The following AGTPBP1 variants were observed in gnomAD, a reference collection of about 807,000 sequenced individuals.
AGTPBP1 encodes cytosolic carboxypeptidase 1.
AGTPBP1 carries 70 observed loss-of-function variants against 143.9 expected under a neutral mutation model. The observed-to-expected ratio is 0.49, with a 90% CI of 0.40 to 0.59. AGTPBP1 has a LOEUF of 0.59. AGTPBP1 is among the 20% of genes least tolerant of loss of function. The pLI is 0.00. For missense variants in AGTPBP1, 1,229 were observed against 1,464.5 expected (o/e 0.84, Z 2.62); for synonymous variants, 463 against 500.2 (o/e 0.93, Z 0.99).
At chr9:85,718,993 A>G (rs1240501230) in intron 1 of AGTPBP1, among the ~76,000 whole-genome samples, 1 of 150,954 alleles carries the variant, frequency 6.6e-6, no homozygotes, top group African/African-American at 2.5e-5. Context: ...GTATGGTGTT[A>G]TATCTGAGGC....
At chr9:85,616,273 A>G (rs897824933) in intron 17 of AGTPBP1, among the ~76,000 whole-genome samples, 6 of 151,964 alleles carry the variant, frequency 3.9e-5, no homozygotes, top group Admixed American at 3.9e-4. Context: ...AGAAGGGGGA[A>G]GAAGGAGAGG....
chr9:85,628,958 A>T (rs1330788531), intron 14 of AGTPBP1, among the ~76,000 whole-genome samples: 17 of 151,868 alleles, frequency 1.1e-4, no homozygotes, highest in Admixed American at 1.1e-3. Flanking sequence ...CTCGTGATCC[A>T]CCCACCTCGG....
chr9:85,648,639 C>T (rs1832962672), intron 11 of AGTPBP1, among the ~76,000 whole-genome samples: 1 of 152,106 alleles, frequency 6.6e-6, no homozygotes, highest in Admixed American at 6.6e-5. Context: ...AGTGAAACCC[C>T]GTCTCTACTA....
intron 1 of AGTPBP1, among the ~76,000 whole-genome samples, chr9:85,736,239 G>A (rs1823759497): frequency 1.3e-5 from 2 of 152,136 alleles, no homozygotes; most frequent in African/African-American, 4.8e-5. Flanking sequence ...AAACCATTAA[G>A]AAACTTTCTG....
chr9:85,628,136 T>A (rs1366558329), intron 14 of AGTPBP1, among the ~76,000 whole-genome samples: 1 of 152,204 alleles, frequency 6.6e-6, no homozygotes, highest in Admixed American at 6.5e-5. Flanking sequence ...AAATACTTTA[T>A]TTTTTGTAGT....
intron 25 of AGTPBP1, 107 bp from the exon 26 acceptor site, chr9:85,547,393 C>A: frequency 1.1e-6 from 1 of 933,780 alleles, no homozygotes; most frequent in Non-Finnish European, 1.5e-6. Flanking sequence ...ATAATATAAG[C>A]TGCATTAACT....
At chr9:85,784,388 C>G in the AGTPBP1 span, among the ~76,000 whole-genome samples, 1 of 152,118 alleles carries the variant, frequency 6.6e-6, no homozygotes, top group African/African-American at 2.4e-5. Context: ...TACTCCTTCC[C>G]CCAGATACTG....
chr9:85,558,528 T>C (rs201120163), intron 25 of AGTPBP1, among the ~76,000 whole-genome samples: 5 of 152,252 alleles, frequency 3.3e-5, no homozygotes, highest in East Asian at 1.9e-4. Context: ...TTTGATTATA[T>C]GTCAGTAATT....
chr9:85,622,059 A>G (rs1830969807), intron 14 of AGTPBP1, among the ~76,000 whole-genome samples: 1 of 152,194 alleles, frequency 6.6e-6, no homozygotes, highest in Admixed American at 6.5e-5. Context: ...CTAAAGCCAG[A>G]CTGCCTGTAA....
At chr9:85,722,720 G>A (rs535062550) in intron 1 of AGTPBP1, among the ~76,000 whole-genome samples, 5 of 152,308 alleles carry the variant, frequency 3.3e-5, no homozygotes, top group East Asian at 1.9e-4. Context: ...CCTTTGCAGT[G>A]AGGAACTGCA....
chr9:85,571,637 T>C (rs1238204674), intron 25 of AGTPBP1, among the ~76,000 whole-genome samples: 4 of 152,144 alleles, frequency 2.6e-5, no homozygotes, highest in Non-Finnish European at 4.4e-5. Context: ...GCAGATACCA[T>C]CTTAATTAAA....
chr9:85,728,228 A>G (rs1176209928), intron 1 of AGTPBP1, among the ~76,000 whole-genome samples: 4 of 152,166 alleles, frequency 2.6e-5, no homozygotes, highest in Non-Finnish European at 5.9e-5. Context: ...AAAATATTGA[A>G]AAGGAAAAGT....
the AGTPBP1 span, among the ~76,000 whole-genome samples, chr9:85,748,724 T>C: frequency 6.6e-6 from 1 of 152,202 alleles, no homozygotes; most frequent in African/African-American, 2.4e-5. Context: ...TAAAACACCA[T>C]GAATCTGTCC....
At chr9:85,624,286 C>T (rs1262478620) in intron 14 of AGTPBP1, among the ~76,000 whole-genome samples, 1 of 152,132 alleles carries the variant, frequency 6.6e-6, no homozygotes, top group African/African-American at 2.4e-5. Context: ...ATACGATCAA[C>T]AGGATAGGCT....
At chr9:85,668,967 ATGTGTGTGTGTGTGTGTGTGTGTGTG>A (rs539493558) in intron 8 of AGTPBP1, among the ~76,000 whole-genome samples, 1 of 114,438 alleles carries the variant, frequency 8.7e-6, no homozygotes, top group African/African-American at 3.2e-5. Context: ...ACATACATAC[ATGTGTGTGTGTGTGTGTGTGTGTGTG>A]TGTGTGTGTG....
At chr9:85,771,332 C>T in the AGTPBP1 span, among the ~76,000 whole-genome samples, 12 of 152,028 alleles carry the variant, frequency 7.9e-5, no homozygotes, top group African/African-American at 2.7e-4. Context: ...CAGAATTAGC[C>T]GGGTGTGGTA....
At chr9:85,804,680 AGGTTTTG>A in the AGTPBP1 span, among the ~76,000 whole-genome samples, 1 of 152,174 alleles carries the variant, frequency 6.6e-6, no homozygotes, top group Non-Finnish European at 1.5e-5. Flanking sequence ...ATTAGCTGTG[AGGTTTTG>A]GGTAAGTCAC....
At chr9:85,648,865 G>C (rs374159135) in intron 11 of AGTPBP1, among the ~76,000 whole-genome samples, 22 of 152,114 alleles carry the variant, frequency 1.4e-4, no homozygotes, top group African/African-American at 4.8e-4. Flanking sequence ...ATGACTGCTT[G>C]GAAAGAAAGG....
the AGTPBP1 span, among the ~76,000 whole-genome samples, chr9:85,775,474 T>G: frequency 6.7e-6 from 1 of 149,730 alleles, no homozygotes; most frequent in Non-Finnish European, 1.5e-5. Context: ...CCATCTGTAT[T>G]AATCAAGGAT....
Sources: gnomAD v4.1 joint callset for allele counts (sites outside exome capture counted in the v4.1 genomes callset) on GRCh38, gnomAD v4.1.1 for gene constraint, MANE v1.5 for transcripts, NCBI Gene and HGNC (gene_info 2026-07-23, HGNC 2026-07-21) for gene names.